ZNF701: variants seen among roughly 807,000 people sequenced by gnomAD.
The protein encoded by ZNF701 is zinc finger protein 701.
ZNF701 carries 6 observed loss-of-function variants against 7.1 expected under a neutral mutation model. The observed-to-expected ratio is 0.84, with a 90% CI of 0.46 to 1.66. The LOEUF (loss-of-function observed/expected upper bound fraction) is 1.66, where lower values mean the gene tolerates loss of function less well. ZNF701 is among the 40% of genes most tolerant of loss of function. The pLI is 0.01. For synonymous variants in ZNF701, 166 were observed against 188.2 expected (o/e 0.88, Z 0.97); for missense variants, 541 against 559.2 (o/e 0.97, Z 0.33).
chr19:52,572,584 G>A (rs1432081413), intron 1 of ZNF701: 22 of 365,916 alleles, frequency 6.0e-5, no homozygotes, highest in Middle Eastern at 9.8e-4. Flanking sequence ...TAAGAATTCC[G>A]TTACATCTTT....
chr19:52,597,048 A>G, the ZNF701 span: 1 of 1,260,966 alleles, frequency 7.9e-7, no homozygotes, highest in Non-Finnish European at 1.1e-6. Context: ...TGCTACAACC[A>G]TTGCAAATCA....
chr19:52,580,895 A>G (rs771775646), intron 3 of ZNF701, among the ~76,000 whole-genome samples: 2 of 123,674 alleles, frequency 1.6e-5, no homozygotes, highest in African/African-American at 5.1e-5. Flanking sequence ...AGGCTGAGAC[A>G]TGTGGATCAC....
chr19:52,571,923 A>G (rs567997850), intron 1 of ZNF701, among the ~76,000 whole-genome samples: 1 of 152,100 alleles, frequency 6.6e-6, no homozygotes, highest in Admixed American at 6.5e-5. Context: ...TCCCGAGTTC[A>G]AGCGAGTCTC....
intron 3 of ZNF701, among the ~76,000 whole-genome samples, chr19:52,577,124 G>T (rs1385877889): frequency 6.6e-6 from 1 of 152,042 alleles, no homozygotes; most frequent in Non-Finnish European, 1.5e-5. Context: ...TTTTATGAAA[G>T]AGTCTCACTG....
At chr19:52,592,103 G>A (rs369700792), downstream of ZNF701, 4 of 1,074,296 alleles carry the variant, frequency 3.7e-6, no homozygotes, top group South Asian at 1.3e-5. Flanking sequence ...TCATTTTAGG[G>A]ACACTAGACT....
chr19:52,577,463 C>T (rs2059942266), intron 3 of ZNF701, among the ~76,000 whole-genome samples: 1 of 147,558 alleles, frequency 6.8e-6, no homozygotes, highest in South Asian at 2.2e-4. Context: ...AGTCATAATA[C>T]AAATTAGATA....
chr19:52,578,900 G>A (rs1327154877), intron 3 of ZNF701, among the ~76,000 whole-genome samples: 1 of 151,860 alleles, frequency 6.6e-6, no homozygotes, highest in Non-Finnish European at 1.5e-5. Context: ...TGGGACTACA[G>A]GCTCCCGCCA....
intron 3 of ZNF701, among the ~76,000 whole-genome samples, chr19:52,580,655 T>C (rs550157844): frequency 1.3e-5 from 2 of 152,364 alleles, no homozygotes; most frequent in East Asian, 3.9e-4. Context: ...GGCTTTTTTC[T>C]TAATAGGGAA....
chr19:52,578,914 C>T (rs113496491), intron 3 of ZNF701, among the ~76,000 whole-genome samples: 53 of 151,752 alleles, frequency 3.5e-4, no homozygotes, highest in African/African-American at 1.1e-3. Context: ...CCCGCCACCG[C>T]GCCTGGCTAA....
rs781591177 is a variant in ZNF701 at position 52,582,530 on chromosome 19, A to G, written c.471A>G (p.Glu157=). The G allele has an allele frequency of 1.2e-6, 2 of 1,614,174 alleles. No individual in the cohort carries two copies. The highest frequency in any genetic ancestry group is 1.7e-6 in the Non-Finnish European group (2 of 1,180,032). ...HLPEVHIFHP[E]GKIGNQVEKA... ...CTGAAGTGCACATATTTCACCCCGA[A>G]GGGAAAATTGGTAATCAAGTTGAGA... The change falls in exon 4 of 4, where the codon GAA becomes GAG. Residue 157 remains glutamate (E), a synonymous_variant. Coordinates refer to ENST00000391785, the MANE Select transcript of ZNF701 (RefSeq NM_018260.3).
intron 3 of ZNF701, among the ~76,000 whole-genome samples, chr19:52,581,202 T>G (rs1311007439): frequency 1.3e-5 from 2 of 152,148 alleles, no homozygotes; most frequent in African/African-American, 2.4e-5. Flanking sequence ...TTGTAACAGT[T>G]ATTTAGAAAA....
At chr19:52,579,239 A>C (rs1461637624) in intron 3 of ZNF701, among the ~76,000 whole-genome samples, 8 of 142,574 alleles carry the variant, frequency 5.6e-5, no homozygotes, top group Admixed American at 4.7e-4. Flanking sequence ...TAAAGATCTT[A>C]AAGTTGGCCA....
chr19:52,575,388 A>G (rs162828), intron 2 of ZNF701, among the ~76,000 whole-genome samples: 115,941 of 152,032 alleles, frequency 0.76, 45,081 homozygotes, highest in African/African-American at 0.91. Context: ...TGAAAATCTG[A>G]GACAAATGAC....
At chr19:52,573,425 T>G (rs961131480) in intron 1 of ZNF701, among the ~76,000 whole-genome samples, 1 of 152,050 alleles carries the variant, frequency 6.6e-6, no homozygotes. Context: ...TTAGTAGATA[T>G]GGGGTTTCAC....
downstream of ZNF701, among the ~76,000 whole-genome samples, chr19:52,589,816 T>C (rs2060029702): frequency 6.6e-6 from 1 of 152,022 alleles, no homozygotes; most frequent in Admixed American, 6.6e-5. Flanking sequence ...TTTTTTGAGA[T>C]GAAGTCTTGC....
At chr19:52,573,615 C>A (rs888861577) in intron 1 of ZNF701, among the ~76,000 whole-genome samples, 1 of 151,958 alleles carries the variant, frequency 6.6e-6, no homozygotes, top group Non-Finnish European at 1.5e-5. Context: ...CTCTACTGAT[C>A]CTCCCCCTCA....
In ZNF701 at chr19:52,574,152, CTCT is replaced by C. The variant is rs759833232; in HGVS notation, c.11_13del (p.Leu4del). The C allele has an allele frequency of 1.2e-6, 2 of 1,611,678 alleles. No individual in the cohort carries two copies. Among genetic ancestry groups the C allele is most frequent in the East Asian group, 2.2e-5 (1 of 44,842 alleles). On this transcript the variant is annotated inframe_deletion, in exon 2 of 4. Transcript: ENST00000391785. ...AGGAAAGCAAAGGAGTCAGGGATGG[CTCT>C]TCTTCAGGTGAGATGATATTCTCGG...
rs1179837495 is a variant in ZNF701 at position 52,587,125 on chromosome 19, G to A, written c.*3668G>A. On this transcript the variant is annotated 3_prime_UTR_variant, in exon 4 of 4. Coordinates refer to ENST00000391785, the MANE Select transcript of ZNF701 (RefSeq NM_018260.3). Reference sequence around the variant, plus strand: ...AGTGTACTTCTGGGTGCTTAGCTGAGGTTGACACCATGTATTTTAAATATG... The same window carrying A: ...AGTGTACTTCTGGGTGCTTAGCTGAAGTTGACACCATGTATTTTAAATATG... The A allele has an allele frequency of 1.1e-4, 16 of 152,116 alleles. No individual in the cohort carries two copies. Among genetic ancestry groups the A allele is most frequent in the African/African-American group, 3.9e-4 (16 of 41,394 alleles). 9.4% of individuals were successfully genotyped at this position (152,116 alleles called of 1,614,324 possible). A position where few individuals can be genotyped will look rare whatever the true frequency, so the allele number is the denominator to read the frequency against.
chr19:52,596,182 T>A, the ZNF701 span: 1 of 644,132 alleles, frequency 1.6e-6, no homozygotes, highest in Non-Finnish European at 2.8e-6. Flanking sequence ...ACGTAACCCA[T>A]TCAGGAGAGA....
Sources: allele counts gnomAD v4.1 joint callset (sites outside exome capture counted in the v4.1 genomes callset), GRCh38; gene constraint gnomAD v4.1.1; transcripts MANE v1.5; gene names NCBI Gene and HGNC (gene_info 2026-07-23, HGNC 2026-07-21).